Variants in FIP1L1 observed in about 807,000 individuals in gnomAD.
FIP1L1 encodes factor interacting with PAPOLA and CPSF1, also known as pre-mRNA 3'-end-processing factor FIP1.
Under a neutral mutation model 84.6 loss-of-function variants are expected in FIP1L1, and 21 were observed. The ratio of observed to expected loss-of-function variants is 0.25; its 90% CI spans 0.18 to 0.36. FIP1L1 has a LOEUF of 0.36. FIP1L1 is among the 10% of genes least tolerant of loss of function. FIP1L1 has a pLI of 1.00. For missense variants in FIP1L1, 526 were observed against 751.1 expected, an observed-to-expected ratio of 0.70 and a Z score of 3.50; for synonymous variants, 263 against 242.3, an observed-to-expected ratio of 1.09 and a Z score of -0.80.
intron 9 of FIP1L1, among the ~76,000 whole-genome samples, chr4:53,397,519 GTC>G: frequency 6.6e-6 from 1 of 152,298 alleles, no homozygotes; most frequent in South Asian, 2.1e-4. Context: ...AAATTAGGTA[GTC>G]TCTGTCTGTT....
intron 3 of FIP1L1, among the ~76,000 whole-genome samples, chr4:53,379,980 C>T (rs1304392121): frequency 6.6e-6 from 1 of 152,132 alleles, no homozygotes; most frequent in African/African-American, 2.4e-5. Context: ...ACCGAGTAAG[C>T]TGCAATCGAA....
At chr4:53,419,991 G>T (rs183027072) in intron 11 of FIP1L1, among the ~76,000 whole-genome samples, 78 of 151,792 alleles carry the variant, frequency 5.1e-4, no homozygotes, top group Admixed American at 4.3e-3. Context: ...GGTGGATCAC[G>T]AGGTCAGGAG....
At chr4:53,432,776 C>T (rs1333866740) in intron 13 of FIP1L1, among the ~76,000 whole-genome samples, 3 of 152,176 alleles carry the variant, frequency 2.0e-5, no homozygotes, top group Non-Finnish European at 4.4e-5. Context: ...GGCAGTTTTG[C>T]TTGAAAGCCT....
At chr4:53,400,989 T>TC (rs1357591987) in intron 10 of FIP1L1, among the ~76,000 whole-genome samples, 2 of 152,182 alleles carry the variant, frequency 1.3e-5, no homozygotes, top group Non-Finnish European at 2.9e-5. Context: ...GACTCTGGAG[T>TC]CAGATTTCTG....
Position 53,399,833 on chromosome 4 carries a change from C to T in FIP1L1, c.809C>T (p.Pro270Leu), listed in dbSNP as rs139886150. 48 of 1,606,414 alleles carry T rather than the reference C, an allele frequency of 3.0e-5. No homozygotes were observed. The highest frequency in any genetic ancestry group is 1.3e-4 in the East Asian group (6 of 44,790). Residue 270 changes from proline (P) to leucine (L), a missense_variant, in exon 10 of 18, where the codon CCG becomes CTG. Pro to Leu is a moderately conservative substitution (Grantham distance 98). This residue lies in a region of FIP1L1 where 169 missense variants were observed against 206.9 expected (regional missense o/e 0.82). Transcript: ENST00000337488. ...PPSLFKTGLP[P>L]SRNSTSSQSQ... ...TCTTTGTTCAAGACTGGGCTTCCAC[C>T]GAGCAGGTTAGTTACATAGTTATAA... is the stretch of plus-strand genomic sequence containing the variant.
chr4:53,459,505 G>GTTA lies in FIP1L1; in HGVS notation c.*59_*61dup. The GTTA allele has an allele frequency of 2.5e-6, 4 of 1,605,684 alleles. No homozygotes were observed. Among genetic ancestry groups the GTTA allele is most frequent in the Non-Finnish European group, 3.4e-6 (4 of 1,174,944 alleles). ...ACCAGAAGTAGATACTATAAATCTTGTTATTTTTCTGGATAATGTTTAAGA... is the reference window on the plus strand; with the variant it reads ...ACCAGAAGTAGATACTATAAATCTTGTTATTATTTTTCTGGATAATGTTTAAGA... On this transcript the variant is annotated 3_prime_UTR_variant, in exon 18 of 18. Coordinates refer to ENST00000337488, the MANE Select transcript of FIP1L1 (RefSeq NM_030917.4).
chr4:53,442,663 T>A lies in FIP1L1; in HGVS notation c.1185T>A (p.Pro395=). Residue 395 remains proline (P), a synonymous_variant, in exon 14 of 18, where the codon CCT becomes CCA. Coordinates refer to ENST00000337488, the MANE Select transcript of FIP1L1 (RefSeq NM_030917.4). ...PPLIPPPGFP[P]PPGAPPPSLI... is the part of the protein sequence containing the mutation. ...GATTGAATGTTTCAGGTTTTCCTCCTCCACCAGGCGCTCCACCTCCATCTC... is the reference window on the plus strand; with the variant it reads ...GATTGAATGTTTCAGGTTTTCCTCCACCACCAGGCGCTCCACCTCCATCTC... 6.2e-7 allele frequency: 1 copy of A among 1,604,528 alleles called. No individual in the cohort carries two copies. Among genetic ancestry groups the A allele is most frequent in the Non-Finnish European group, 8.5e-7 (1 of 1,171,648 alleles).
chr4:53,384,764 TAGG>T (rs1419301928), intron 5 of FIP1L1, among the ~76,000 whole-genome samples: 1 of 152,204 alleles, frequency 6.6e-6, no homozygotes, highest in East Asian at 1.9e-4. Context: ...TTAGTTACGA[TAGG>T]AGAATAAGAG....
intron 1 of FIP1L1, 101 bp from the exon 2 acceptor site, chr4:53,378,972 T>C: frequency 5.1e-6 from 6 of 1,172,366 alleles, no homozygotes; most frequent in Non-Finnish European, 6.2e-6. Context: ...CCTCTTAAAT[T>C]TAAGCTTATT....
chr4:53,404,410 A>G (rs1431798673), intron 10 of FIP1L1, among the ~76,000 whole-genome samples: 2 of 151,968 alleles, frequency 1.3e-5, no homozygotes, highest in East Asian at 1.9e-4. Context: ...CCAGTCTGTC[A>G]TTGTTGGACA....
chr4:53,407,921 A>G (rs1560520724), intron 10 of FIP1L1, among the ~76,000 whole-genome samples: 1 of 152,210 alleles, frequency 6.6e-6, no homozygotes, highest in African/African-American at 2.4e-5. Context: ...TGAATACAGC[A>G]CACTGATGGG....
At chr4:53,395,882 C>T (rs1746981201) in intron 9 of FIP1L1, among the ~76,000 whole-genome samples, 1 of 151,562 alleles carries the variant, frequency 6.6e-6, no homozygotes, top group African/African-American at 2.4e-5. Flanking sequence ...TAGATATCAC[C>T]CTGAGTAGGC....
intron 15 of FIP1L1, among the ~76,000 whole-genome samples, chr4:53,448,759 G>A (rs1429871444): frequency 6.6e-6 from 1 of 152,126 alleles, no homozygotes; most frequent in Non-Finnish European, 1.5e-5. Flanking sequence ...TACCTTTACA[G>A]CATTGAGTTT....
intron 12 of FIP1L1, 26 bp downstream of exon 12, chr4:53,425,991 T>G: frequency 6.8e-7 from 1 of 1,478,668 alleles, no homozygotes; most frequent in Non-Finnish European, 9.4e-7. Context: ...ATAAATAATT[T>G]TCTTTAACTG....
intron 10 of FIP1L1, among the ~76,000 whole-genome samples, chr4:53,405,378 T>C (rs1313112551): frequency 6.6e-6 from 1 of 152,214 alleles, no homozygotes; most frequent in African/African-American, 2.4e-5. Flanking sequence ...ATCTCTGTTT[T>C]GGTACCAGTA....
chr4:53,436,969 T>C (rs1395440783), intron 13 of FIP1L1, among the ~76,000 whole-genome samples: 2 of 151,988 alleles, frequency 1.3e-5, no homozygotes, highest in African/African-American at 4.8e-5. Context: ...GCGGGTAGAT[T>C]GCTTGAGTTC....
chr4:53,417,997 T>C (rs1003891799), intron 11 of FIP1L1, among the ~76,000 whole-genome samples: 7 of 152,134 alleles, frequency 4.6e-5, no homozygotes, highest in African/African-American at 1.7e-4. Flanking sequence ...TCGTAAGTTA[T>C]TATATTTGGG....
intron 1 of FIP1L1, chr4:53,378,311 C>G: frequency 5.3e-6 from 1 of 187,828 alleles, no homozygotes; most frequent in Non-Finnish European, 1.1e-5. Flanking sequence ...TTAGGGTGCC[C>G]TTCCTGTCCC....
In FIP1L1 at chr4:53,439,069, G is replaced by A. The variant is rs368860871; in HGVS notation, c.1175-3584G>A. Among the ~76,000 whole-genome samples the A allele has an allele frequency of 7.2e-5, 11 of 152,192 alleles. No homozygotes were observed. In the East Asian group the frequency reaches 1.5e-3, roughly 21 times the overall value. ...ACTTATGAAAACTAGATCAAATAGT[G>A]AAGTTAAGTAGTGTCCGTATTGTTC... On this transcript the variant is annotated intron_variant, in intron 13 of 17. Coordinates refer to ENST00000337488, the MANE Select transcript of FIP1L1 (RefSeq NM_030917.4).
Sources: allele counts gnomAD v4.1 joint callset (sites outside exome capture counted in the v4.1 genomes callset), GRCh38; gene constraint gnomAD v4.1.1; regional missense constraint gnomAD v4.1.1; transcripts MANE v1.5; gene names NCBI Gene and HGNC (gene_info 2026-07-23, HGNC 2026-07-21).